The following SNAP23 variants were observed in gnomAD, a reference collection of about 807,000 sequenced individuals.
SNAP23 encodes synaptosomal-associated protein 23.
A neutral mutation model predicts 29.0 loss-of-function variants in SNAP23; 11 were observed. The ratio of observed to expected loss-of-function variants is 0.38; its 90% CI spans 0.24 to 0.63. SNAP23 has a LOEUF of 0.63. SNAP23 is among the 20% of genes least tolerant of loss of function. The probability of loss-of-function intolerance (pLI) is 0.58; values close to 1 mark genes in which losing one functional copy is unlikely to be tolerated. For synonymous variants in SNAP23, 60 were observed against 82.9 expected, an observed-to-expected ratio of 0.72 and a Z score of 1.50; for missense variants, 220 against 253.9, an observed-to-expected ratio of 0.87 and a Z score of 0.91.
Position 42,515,475 on chromosome 15 carries a change from T to C in SNAP23, c.266+121T>C, listed in dbSNP as rs2057390742. 1.9e-5 allele frequency: 12 copies of C among 637,760 alleles called. No individual in the cohort carries two copies. In the Admixed American group the frequency reaches 3.3e-4, roughly 17 times the overall value. 39.5% of individuals were successfully genotyped at this position (637,760 alleles called of 1,614,324 possible). A position where few individuals can be genotyped will look rare whatever the true frequency, so the allele number is the denominator to read the frequency against. On this transcript the variant is annotated intron_variant, in intron 5 of 7. Coordinates refer to ENST00000249647, the MANE Select transcript of SNAP23 (RefSeq NM_003825.4). ...GGAACTCTATTAGATAAATCTAAGT[T>C]GTCTCTCCTTCAGGCAGATTAAGCT... is the stretch of plus-strand genomic sequence containing the variant.
At chr15:42,524,844 A>G (rs1441554258) in intron 5 of SNAP23, among the ~76,000 whole-genome samples, 2 of 152,206 alleles carry the variant, frequency 1.3e-5, no homozygotes, top group African/African-American at 2.4e-5. Context: ...ACAATGCCTT[A>G]AAAACAGGTT....
intron 5 of SNAP23, 154 bp from the exon 6 acceptor site, chr15:42,528,108 T>C (rs1316004779): frequency 3.4e-6 from 2 of 583,726 alleles, no homozygotes; most frequent in Non-Finnish European, 3.0e-6. Context: ...TATTCCATAT[T>C]GCCATGGAGC....
At chr15:42,495,897 C>G (rs2057215387) in intron 1 of SNAP23, 184 bp downstream of exon 1, 1 of 152,340 alleles carries the variant, frequency 6.6e-6, no homozygotes, top group Non-Finnish European at 1.5e-5. Flanking sequence ...GCCGGGAGAA[C>G]ATCGAGGGAC....
intron 5 of SNAP23, among the ~76,000 whole-genome samples, chr15:42,522,390 T>G (rs1240879165): frequency 3.3e-5 from 5 of 152,232 alleles, no homozygotes. Flanking sequence ...CTAACTAATA[T>G]TAATTTTTCA....
At chr15:42,512,739 A>G (rs1277934661) in intron 2 of SNAP23, among the ~76,000 whole-genome samples, 3 of 151,542 alleles carry the variant, frequency 2.0e-5, no homozygotes, top group Non-Finnish European at 2.9e-5. Flanking sequence ...TTTAATGGAA[A>G]CAGTCTCACT....
chr15:42,531,039 T>G (rs1308857474), intron 7 of SNAP23, among the ~76,000 whole-genome samples: 2 of 152,184 alleles, frequency 1.3e-5, no homozygotes, highest in Admixed American at 6.5e-5. Flanking sequence ...ATTCTATGAT[T>G]CAGTTCAGAG....
At chr15:42,496,076 G>T (rs1396339757) in intron 1 of SNAP23, 1 of 152,266 alleles carries the variant, frequency 6.6e-6, no homozygotes, top group African/African-American at 2.4e-5. Context: ...CTTGAGGAAG[G>T]ACTCTGAGGT....
In SNAP23 at chr15:42,513,319, CTG is replaced by C. The variant is rs2057372304; in HGVS notation, c.100-76_100-75del. ...TGAGAGCTTGGGTTTCTAAATTATT[CTG>C]TGTTGCTCTTGTAGGTTTTGTTTCT... On this transcript the variant is annotated intron_variant, in intron 3 of 7. Transcript: ENST00000249647. 3 of 1,260,298 alleles carry C rather than the reference CTG, an allele frequency of 2.4e-6. No individual in the cohort carries two copies. In the East Asian group the frequency reaches 6.9e-5, roughly 29 times the overall value. 78.1% of individuals were successfully genotyped at this position (1,260,298 alleles called of 1,614,324 possible). A position where few individuals can be genotyped will look rare whatever the true frequency, so the allele number is the denominator to read the frequency against.
At chr15:42,527,663 A>G (rs116352347) in intron 5 of SNAP23, among the ~76,000 whole-genome samples, 1,506 of 149,478 alleles carry the variant, frequency 0.01, 33 homozygotes, top group African/African-American at 0.036. Flanking sequence ...TGAGGTCAGG[A>G]GTTTGAGAGA....
chr15:42,529,596 C>T, intron 6 of SNAP23, 79 bp from the exon 7 acceptor site: 2 of 1,462,552 alleles, frequency 1.4e-6, no homozygotes, highest in East Asian at 2.3e-5. Context: ...ATTTTGGTTA[C>T]TTACTTTTGT....
At chr15:42,510,124 G>T (rs975488270) in intron 1 of SNAP23, among the ~76,000 whole-genome samples, 5 of 151,938 alleles carry the variant, frequency 3.3e-5, no homozygotes, top group South Asian at 2.1e-4. Flanking sequence ...CAACTGAAAA[G>T]ATTTAAATTT....
In SNAP23 at chr15:42,512,970, AG is replaced by A; in HGVS notation, c.75del (p.Arg26GlufsTer5). ...QITDESLEST[R>X]RILGLAIESQ... Reference sequence around the variant, plus strand: ...TCTTTCCTAGTCTCTGGAAAGTACGAGGAGAATCCTGGGTTTAGCCATTGAG... The same window carrying A: ...TCTTTCCTAGTCTCTGGAAAGTACGAGAGAATCCTGGGTTTAGCCATTGAG... On this transcript the variant is annotated frameshift_variant, in exon 3 of 8. Coordinates refer to ENST00000249647, the MANE Select transcript of SNAP23 (RefSeq NM_003825.4). LOFTEE classifies it high-confidence loss of function. The A allele has an allele frequency of 6.2e-7, 1 of 1,612,082 alleles. No individual in the cohort carries two copies. Among genetic ancestry groups the A allele is most frequent in the Non-Finnish European group, 8.5e-7 (1 of 1,178,184 alleles).
At chr15:42,518,679 G>T (rs1222867986) in intron 5 of SNAP23, among the ~76,000 whole-genome samples, 1 of 152,074 alleles carries the variant, frequency 6.6e-6, no homozygotes, top group Non-Finnish European at 1.5e-5. Flanking sequence ...TTGGCCTCCA[G>T]AAGTGCTGGG....
At chr15:42,517,584 T>C (rs750291678) in intron 5 of SNAP23, among the ~76,000 whole-genome samples, 3 of 152,182 alleles carry the variant, frequency 2.0e-5, no homozygotes, top group Non-Finnish European at 4.4e-5. Flanking sequence ...TTATGTCTCT[T>C]TGTGTATCCC....
At chr15:42,501,764 T>G (rs1222648623) in intron 1 of SNAP23, among the ~76,000 whole-genome samples, 1 of 152,200 alleles carries the variant, frequency 6.6e-6, no homozygotes, top group Non-Finnish European at 1.5e-5. Context: ...ATAGTTTTAT[T>G]GAGCACTGTG....
chr15:42,500,179 C>A (rs143526934), intron 1 of SNAP23, among the ~76,000 whole-genome samples: 1 of 149,640 alleles, frequency 6.7e-6, no homozygotes, highest in South Asian at 2.2e-4. Flanking sequence ...CCCCCGCCCC[C>A]GCCCCAATTT....
upstream of SNAP23, among the ~76,000 whole-genome samples, chr15:42,494,912 T>A (rs2057203803): frequency 2.0e-5 from 3 of 152,184 alleles, no homozygotes; most frequent in South Asian, 6.2e-4. Context: ...TAATCCTCCA[T>A]CTGCTTAAAA....
chr15:42,519,280 C>T (rs896930214), intron 5 of SNAP23, among the ~76,000 whole-genome samples: 3 of 151,936 alleles, frequency 2.0e-5, no homozygotes, highest in Non-Finnish European at 4.4e-5. Context: ...GTCTTGAACT[C>T]CTGACCTCAG....
intron 5 of SNAP23, among the ~76,000 whole-genome samples, chr15:42,524,006 C>CG (rs1431546600): frequency 6.6e-6 from 1 of 151,406 alleles, no homozygotes; most frequent in Non-Finnish European, 1.5e-5. Context: ...TTAGTAGAGA[C>CG]GGGGTTTCAC....
Sources: allele counts gnomAD v4.1 joint callset (sites outside exome capture counted in the v4.1 genomes callset), GRCh38; gene constraint gnomAD v4.1.1; transcripts MANE v1.5; gene names NCBI Gene and HGNC (gene_info 2026-07-23, HGNC 2026-07-21).